Variants in MILR1 observed in about 807,000 individuals in gnomAD.
The protein encoded by MILR1 is allergin-1.
MILR1 carries 31 observed loss-of-function variants against 18.5 expected under a neutral mutation model. That is an observed-to-expected ratio of 1.68 (90% CI 1.26 to 2.26). The LOEUF (loss-of-function observed/expected upper bound fraction) is 2.26. Ranked by LOEUF, MILR1 falls within the 30% of genes most tolerant of loss-of-function variation. The pLI is 0.00. For missense variants in MILR1, 257 were observed against 157.4 expected, an observed-to-expected ratio of 1.63 and a Z score of -3.38; for synonymous variants, 85 against 56.2, an observed-to-expected ratio of 1.51 and a Z score of -2.30.
the MILR1 span, among the ~76,000 whole-genome samples, chr17:64,493,888 C>A: frequency 6.6e-6 from 1 of 152,124 alleles, no homozygotes; most frequent in African/African-American, 2.4e-5. Flanking sequence ...CAACATTTTG[C>A]CACATTTTTT....
chr17:64,467,935 CA>C (rs112297771), intron 9 of MILR1: 10,840 of 156,760 alleles, frequency 0.069, 158 homozygotes, highest in African/African-American at 0.14. Flanking sequence ...GACTTCATCT[CA>C]AAAAAAAAAA....
downstream of MILR1, among the ~76,000 whole-genome samples, chr17:64,470,928 G>A (rs2037678893): frequency 6.6e-6 from 1 of 152,176 alleles, no homozygotes; most frequent in Non-Finnish European, 1.5e-5. Flanking sequence ...GTCCACTAGT[G>A]CCTCATTTCT....
chr17:64,488,540 T>C, the MILR1 span, among the ~76,000 whole-genome samples: 2 of 152,038 alleles, frequency 1.3e-5, no homozygotes, highest in Admixed American at 6.5e-5. Flanking sequence ...CCATTCTTCA[T>C]ACAAAAGAAA....
the MILR1 span, chr17:64,483,100 C>G: frequency 1.5e-6 from 1 of 647,678 alleles, no homozygotes; most frequent in Middle Eastern, 3.9e-4. Context: ...TATTAACAAA[C>G]AGTTTCTTAA....
chr17:64,480,658 C>T, the MILR1 span, among the ~76,000 whole-genome samples: 1 of 152,090 alleles, frequency 6.6e-6, no homozygotes, highest in East Asian at 1.9e-4. Flanking sequence ...ATTTTTATTA[C>T]CCTTAGTATC....
At chr17:64,475,397 C>T in the MILR1 span, among the ~76,000 whole-genome samples, 3 of 151,930 alleles carry the variant, frequency 2.0e-5, no homozygotes, top group East Asian at 1.9e-4. Flanking sequence ...GCCTGTAATC[C>T]CAGCACTTTG....
At chr17:64,487,113 T>G in the MILR1 span, 2 of 152,174 alleles carry the variant, frequency 1.3e-5, no homozygotes, top group African/African-American at 4.8e-5. Flanking sequence ...CCCCACAAAT[T>G]TAAATCCTCA....
chr17:64,461,925 A>G (rs1476471082), intron 5 of MILR1, among the ~76,000 whole-genome samples: 1 of 152,172 alleles, frequency 6.6e-6, no homozygotes, highest in Non-Finnish European at 1.5e-5. Flanking sequence ...CCATGTTGTC[A>G]TATGTGTCAG....
chr17:64,470,385 C>A (rs1031262815), downstream of MILR1, among the ~76,000 whole-genome samples: 1 of 152,170 alleles, frequency 6.6e-6, no homozygotes, highest in South Asian at 2.1e-4. Context: ...TGAGCTATTG[C>A]GCCCGGCAAT....
chr17:64,454,562 A>G (rs964810226), intron 3 of MILR1, among the ~76,000 whole-genome samples: 6 of 152,208 alleles, frequency 3.9e-5, no homozygotes, highest in Non-Finnish European at 7.3e-5. Flanking sequence ...TAGCTCAGTG[A>G]TTCTTAGCTT....
At chr17:64,494,083 T>C in the MILR1 span, among the ~76,000 whole-genome samples, 2 of 152,236 alleles carry the variant, frequency 1.3e-5, no homozygotes, top group Admixed American at 6.5e-5. Flanking sequence ...TTAAGATTCA[T>C]GTACTGCATT....
chr17:64,496,392 A>G, the MILR1 span: 1 of 1,534,342 alleles, frequency 6.5e-7, no homozygotes, highest in Non-Finnish European at 8.9e-7. Context: ...TGAAGCATGA[A>G]ATCGTGAAGC....
the MILR1 span, among the ~76,000 whole-genome samples, chr17:64,493,304 A>C: frequency 6.6e-6 from 1 of 152,100 alleles, no homozygotes; most frequent in African/African-American, 2.4e-5. Context: ...TTGTAGTCCC[A>C]GCTACTTGGA....
chr17:64,494,040 C>T, the MILR1 span, among the ~76,000 whole-genome samples: 3 of 152,252 alleles, frequency 2.0e-5, no homozygotes, highest in Admixed American at 1.3e-4. Context: ...TTCCAATTTT[C>T]ACCCCAAATA....
chr17:64,491,015 C>T, the MILR1 span: 2 of 1,313,954 alleles, frequency 1.5e-6, no homozygotes, highest in South Asian at 2.4e-5. Context: ...TAAATAAACA[C>T]TAATTTAACT....
the MILR1 span, among the ~76,000 whole-genome samples, chr17:64,495,039 G>A: frequency 1.3e-5 from 2 of 152,080 alleles, no homozygotes; most frequent in African/African-American, 4.8e-5. Context: ...CAGGCGTGGT[G>A]GCAAGTGCCT....
downstream of MILR1, among the ~76,000 whole-genome samples, chr17:64,471,138 A>C (rs2037681928): frequency 6.6e-6 from 1 of 152,056 alleles, no homozygotes. Flanking sequence ...CTGAAAGCAG[A>C]GCCTGAAATA....
intron 3 of MILR1, among the ~76,000 whole-genome samples, chr17:64,457,151 G>A (rs1454017995): frequency 6.6e-6 from 1 of 152,160 alleles, no homozygotes; most frequent in African/African-American, 2.4e-5. Flanking sequence ...TCAAAGCAGA[G>A]AGATGCCCTC....
At chr17:64,455,258 A>ACTAT (rs1451951867) in intron 3 of MILR1, among the ~76,000 whole-genome samples, 1 of 152,084 alleles carries the variant, frequency 6.6e-6, no homozygotes, top group African/African-American at 2.4e-5. Flanking sequence ...TGGTAATAAA[A>ACTAT]CTATCTTGGT....
Sources: gnomAD v4.1 joint callset for allele counts (sites outside exome capture counted in the v4.1 genomes callset) on GRCh38, gnomAD v4.1.1 for gene constraint, MANE v1.5 for transcripts, NCBI Gene and HGNC (gene_info 2026-07-23, HGNC 2026-07-21) for gene names.